The following PTPRD variants were observed in gnomAD, a reference collection of about 807,000 sequenced individuals.
The protein encoded by PTPRD is receptor-type tyrosine-protein phosphatase delta.
A neutral mutation model predicts 214.5 loss-of-function variants in PTPRD; 34 were observed. The observed-to-expected ratio is 0.16, with a 90% CI of 0.12 to 0.21. The LOEUF (loss-of-function observed/expected upper bound fraction) is 0.21, where lower values mean the gene tolerates loss of function less well. Among genes scored for constraint, PTPRD ranks in the 10% least tolerant of loss-of-function variants. The pLI is 1.00. For missense variants in PTPRD, 2,545 were observed against 2,398.7 expected, an observed-to-expected ratio of 1.06 and a Z score of -1.27; for synonymous variants, 1,128 against 845.7, an observed-to-expected ratio of 1.33 and a Z score of -5.79.
chr9:9,943,327 C>T (rs2091960726), intron 4 of PTPRD, among the ~76,000 whole-genome samples: 2 of 152,096 alleles, frequency 1.3e-5, no homozygotes, highest in African/African-American at 4.8e-5. Context: ...TTCCCCTGTA[C>T]AGTAGTCAGA....
At chr9:10,074,121 G>T (rs1390809196) in intron 3 of PTPRD, among the ~76,000 whole-genome samples, 2 of 152,084 alleles carry the variant, frequency 1.3e-5, no homozygotes. Context: ...CACAATTTCA[G>T]TTATTCAAAT....
At chr9:10,252,800 T>C (rs2092906703) in intron 3 of PTPRD, among the ~76,000 whole-genome samples, 1 of 152,136 alleles carries the variant, frequency 6.6e-6, no homozygotes, top group African/African-American at 2.4e-5. Flanking sequence ...TTTTTCTTTT[T>C]TGAGACAAAC....
At chr9:9,815,804 A>G (rs1384761249) in intron 5 of PTPRD, among the ~76,000 whole-genome samples, 1 of 152,154 alleles carries the variant, frequency 6.6e-6, no homozygotes, top group East Asian at 1.9e-4. Flanking sequence ...TATAAGACGA[A>G]TAAGTTCTGG....
Position 8,331,815 on chromosome 9 carries a change from ATCATTT to A in PTPRD, c.5380-85_5380-80del, listed in dbSNP as rs36202590. 13,433 of 1,461,374 alleles carry A rather than the reference ATCATTT, an allele frequency of 9.2e-3. 1,033 individuals are homozygous for A. In the African/African-American group the frequency reaches 0.17, roughly 19 times the overall value. The allele number at this position is 1,461,374 out of a possible 1,614,324, so 90.5% of individuals were successfully genotyped here. A position where few individuals can be genotyped will look rare whatever the true frequency, so the allele number is the denominator to read the frequency against. The stretch of plus-strand genomic sequence containing the variant: ...AGCAAGCATACGGACCACAAGAACA[ATCATTT>A]TCATTTCCCGAAAACAAAAAGGGTA... On this transcript the variant is annotated intron_variant, in intron 43 of 45. Transcript: ENST00000381196.
chr9:9,198,568 A>G (rs558419762), intron 9 of PTPRD, among the ~76,000 whole-genome samples: 4 of 151,706 alleles, frequency 2.6e-5, no homozygotes, highest in African/African-American at 9.6e-5. Context: ...CTTCTCCATG[A>G]ATATTTTTTA....
intron 5 of PTPRD, among the ~76,000 whole-genome samples, chr9:9,907,647 G>T (rs537492263): frequency 6.6e-6 from 1 of 151,638 alleles, no homozygotes; most frequent in African/African-American, 2.4e-5. Context: ...TGGGGATTAG[G>T]GCTTCAACAT....
rs566200351 is a variant in PTPRD, at chr9:8,458,979, T to C, written c.3875+1432A>G. 1.2e-3 allele frequency among the ~76,000 whole-genome samples: 187 copies of C among 152,310 alleles called. 1 individual carries two copies. The highest frequency in any genetic ancestry group is 3.8e-3 in the African/African-American group (160 of 41,580). On this transcript the variant is annotated intron_variant, in intron 33 of 45. Coordinates refer to ENST00000381196, the MANE Select transcript of PTPRD (RefSeq NM_002839.4). Reference sequence around the variant, plus strand: ...GTTATGGTTATGAACTTCTTTCATTTGTCCTTTATTTTCTCAACCCTCTCT... The same window carrying C: ...GTTATGGTTATGAACTTCTTTCATTCGTCCTTTATTTTCTCAACCCTCTCT...
intron 12 of PTPRD, among the ~76,000 whole-genome samples, chr9:8,727,523 A>G (rs1447253586): frequency 6.6e-6 from 1 of 152,228 alleles, no homozygotes; most frequent in African/African-American, 2.4e-5. Flanking sequence ...AGGCTGATAA[A>G]CATGGCTACG....
intron 8 of PTPRD, among the ~76,000 whole-genome samples, chr9:9,454,523 G>C (rs1337355452): frequency 6.6e-6 from 1 of 151,662 alleles, no homozygotes; most frequent in Non-Finnish European, 1.5e-5. Context: ...CCCCACTACT[G>C]ATCAGAAATT....
chr9:9,273,306 C>A (rs1395623325), intron 9 of PTPRD, among the ~76,000 whole-genome samples: 2 of 151,150 alleles, frequency 1.3e-5, no homozygotes, highest in African/African-American at 4.8e-5. Flanking sequence ...ATCGCTGAGT[C>A]ACTAAGGAAT....
At position 10,023,452 on chromosome 9, in the gene PTPRD, C is replaced by T. The variant is rs569795967; in HGVS notation, c.-472+10266G>A. 9.2e-5 allele frequency among the ~76,000 whole-genome samples: 14 copies of T among 152,256 alleles called. No individual in the cohort carries two copies. The South Asian group carries it at 2.3e-3, about 25-fold the overall frequency. On this transcript the variant is annotated intron_variant, in intron 4 of 45. Transcript: ENST00000381196. ...TCAATTCTGCACATGATTTCTTCCA[C>T]GTACTTGAGAAAGTAAAGTTCTACA...
chr9:10,093,420 T>A (rs943376037), intron 3 of PTPRD, among the ~76,000 whole-genome samples: 2 of 151,466 alleles, frequency 1.3e-5, no homozygotes, highest in Non-Finnish European at 3.0e-5. Context: ...CCAGTCAGAA[T>A]GGCGATTCCT....
chr9:9,833,916 A>T (rs912735521), intron 5 of PTPRD, among the ~76,000 whole-genome samples: 58 of 152,162 alleles, frequency 3.8e-4, no homozygotes, highest in African/African-American at 1.3e-3. Context: ...ATATTGCTCA[A>T]ACACACATGC....
intron 3 of PTPRD, among the ~76,000 whole-genome samples, chr9:10,158,942 A>G (rs576318209): frequency 1.1e-4 from 16 of 152,268 alleles, no homozygotes; most frequent in African/African-American, 3.9e-4. Context: ...ACTCTGCTCT[A>G]TAACTCTTTC....
intron 2 of PTPRD, among the ~76,000 whole-genome samples, chr9:10,446,016 G>T (rs1273550713): frequency 1.3e-5 from 2 of 151,980 alleles, no homozygotes; most frequent in African/African-American, 4.8e-5. Context: ...CAAGATCAAA[G>T]ATTCAGTAAA....
chr9:10,023,263 C>A (rs1366536626), intron 4 of PTPRD, among the ~76,000 whole-genome samples: 1 of 152,032 alleles, frequency 6.6e-6, no homozygotes, highest in Non-Finnish European at 1.5e-5. Flanking sequence ...AATTAACAGA[C>A]AACAATTTAT....
At chr9:9,528,995 A>G (rs1409992859) in intron 8 of PTPRD, among the ~76,000 whole-genome samples, 7 of 149,178 alleles carry the variant, frequency 4.7e-5, no homozygotes, top group South Asian at 2.1e-4. Flanking sequence ...CTGGAGTGCA[A>G]TGGTGTGATC....
At position 9,972,736 on chromosome 9, in the gene PTPRD, T is replaced by C. The variant is rs1241117939; in HGVS notation, c.-471-34126A>G. On this transcript the variant is annotated intron_variant, in intron 4 of 45. Coordinates refer to ENST00000381196, the MANE Select transcript of PTPRD (RefSeq NM_002839.4). ...AGTCCATTTCCTTACCTTTTTCAGC[T>C]TCTAGAGGCTGCCTGCATGCCTTGT... 3.3e-5 allele frequency among the ~76,000 whole-genome samples: 5 copies of C among 152,246 alleles called. No individual in the cohort carries two copies. In the East Asian group the frequency reaches 9.7e-4, roughly 30 times the overall value.
intron 2 of PTPRD, among the ~76,000 whole-genome samples, chr9:10,525,902 G>A (rs1037471191): frequency 3.3e-5 from 5 of 152,010 alleles, no homozygotes; most frequent in Non-Finnish European, 7.4e-5. Context: ...TGTGTTAAAT[G>A]CATTGCCCTA....
Sources: allele counts gnomAD v4.1 joint callset (sites outside exome capture counted in the v4.1 genomes callset), GRCh38; gene constraint gnomAD v4.1.1; transcripts MANE v1.5; gene names NCBI Gene and HGNC (gene_info 2026-07-23, HGNC 2026-07-21).